GALK2: variants seen among roughly 807,000 people sequenced by gnomAD.
GALK2 encodes the protein N-acetylgalactosamine kinase.
GALK2 carries 36 observed loss-of-function variants against 52.4 expected under a neutral mutation model. The ratio of observed to expected loss-of-function variants is 0.69; its 90% CI spans 0.53 to 0.91. The LOEUF is 0.91. GALK2 is among the 40% of genes least tolerant of loss of function. The pLI is 0.00. For missense variants in GALK2, 579 were observed against 559.1 expected, an observed-to-expected ratio of 1.04 and a Z score of -0.36; for synonymous variants, 176 against 199.1, an observed-to-expected ratio of 0.88 and a Z score of 0.98.
chr15:49,201,920 A>G (rs371038106), intron 2 of GALK2, among the ~76,000 whole-genome samples: 3 of 152,252 alleles, frequency 2.0e-5, no homozygotes. Flanking sequence ...TATCAACAAT[A>G]GAAGTTTATT....
At chr15:49,219,213 G>A (rs192640312) in intron 3 of GALK2, among the ~76,000 whole-genome samples, 1 of 152,284 alleles carries the variant, frequency 6.6e-6, no homozygotes, top group African/African-American at 2.4e-5. Context: ...TGTCCTGGGA[G>A]GAACCTGGTA....
rs1452023435 is a variant in GALK2 at position 49,202,407 on chromosome 15, T to A, written c.142+1157T>A. ...ACCATTAATTTATCCTCTATTTTTATGAGATCAACTCTTTTAGCCTCCATA... is the reference window on the plus strand; with the variant it reads ...ACCATTAATTTATCCTCTATTTTTAAGAGATCAACTCTTTTAGCCTCCATA... On this transcript the variant is annotated intron_variant, in intron 2 of 9. Coordinates refer to ENST00000560031, the MANE Select transcript of GALK2 (RefSeq NM_002044.4). Among the ~76,000 whole-genome samples the A allele has an allele frequency of 4.6e-5, 7 of 152,300 alleles. No individual in the cohort carries two copies. In the East Asian group the frequency reaches 1.3e-3, roughly 29 times the overall value.
chr15:49,236,406 AATTACATAAAGCTTG>A (rs770566102), intron 4 of GALK2, among the ~76,000 whole-genome samples: 265 of 152,312 alleles, frequency 1.7e-3, no homozygotes, highest in Non-Finnish European at 3.0e-3. Flanking sequence ...TTGTTAAAAG[AATTACATAAAGCTTG>A]ATGGTAGCCA....
intron 4 of GALK2, among the ~76,000 whole-genome samples, chr15:49,237,348 C>T (rs912293292): frequency 6.6e-6 from 1 of 152,200 alleles, no homozygotes; most frequent in African/African-American, 2.4e-5. Context: ...TTACATTGAA[C>T]ATGTTATCCT....
At chr15:49,276,970 C>CT (rs1233754984) in intron 5 of GALK2, among the ~76,000 whole-genome samples, 5,254 of 28,338 alleles carry the variant, frequency 0.19, 315 homozygotes, top group Non-Finnish European at 0.23. Context: ...TTTTTCTTTT[C>CT]TTTTTTTTTT....
chr15:49,249,086 C>T (rs2091479521), intron 5 of GALK2, among the ~76,000 whole-genome samples: 1 of 152,272 alleles, frequency 6.6e-6, no homozygotes, highest in Non-Finnish European at 1.5e-5. Context: ...TGGAATAATG[C>T]AAGTGATATT....
In GALK2 at chr15:49,254,801, A is replaced by G. The variant is rs1016601800; in HGVS notation, c.504+15434A>G. 2.1e-5 allele frequency among the ~76,000 whole-genome samples: 3 copies of G among 144,316 alleles called. 1 individual carries two copies. The highest frequency in any genetic ancestry group is 3.1e-5 in the Non-Finnish European group (2 of 64,186). 94.7% of individuals were successfully genotyped at this position (144,316 alleles called of 152,430 possible). A position where few individuals can be genotyped will look rare whatever the true frequency, so the allele number is the denominator to read the frequency against. On this transcript the variant is annotated intron_variant, in intron 5 of 9. Coordinates refer to ENST00000560031, the MANE Select transcript of GALK2 (RefSeq NM_002044.4). ...ATTATTTGGGATAATATTGTTACCT[A>G]TTGACAGCGATGTTACATCTCTCAC...
rs760371241 is a variant in GALK2, at chr15:49,235,847, G to A, written c.267-4G>A. The A allele has an allele frequency of 8.7e-6, 14 of 1,601,868 alleles. No individual in the cohort carries two copies. Among genetic ancestry groups the A allele is most frequent in the Admixed American group, 5.0e-5 (3 of 59,452 alleles). Reference sequence around the variant, plus strand: ...TAAATTAATGGTGTCTTTTGTCTTCGCAGGGACTTCAGTACTAGTGCTAAT... The same window carrying A: ...TAAATTAATGGTGTCTTTTGTCTTCACAGGGACTTCAGTACTAGTGCTAAT... On this transcript the variant is annotated splice_region_variant and splice_polypyrimidine_tract_variant and intron_variant, in intron 3 of 9. Transcript: ENST00000560031.
Position 49,359,406 on chromosome 15 carries a change from AC to A in GALK2, c.427-8081del, listed in dbSNP as rs1270870511. 9.7e-4 allele frequency among the ~76,000 whole-genome samples: 115 copies of A among 119,052 alleles called. 38 individuals carry two copies. Among genetic ancestry groups the A allele is most frequent in the African/African-American group, 3.3e-3 (103 of 30,876 alleles). The allele number at this position is 119,052 out of a possible 152,430, so 78.1% of individuals were successfully genotyped here. A position where few individuals can be genotyped will look rare whatever the true frequency, so the allele number is the denominator to read the frequency against. On this transcript the variant is annotated intron_variant, in intron 3 of 3. Transcript: ENST00000558399. ...CAAATTTACAAGAAAAAAACAAACA[AC>A]CCCATCAAATAGTGGGCGAAGGACA...
At chr15:49,292,681 C>T (rs2034056327) in intron 8 of GALK2, 144 bp downstream of exon 8, 1 of 667,740 alleles carries the variant, frequency 1.5e-6, no homozygotes, top group East Asian at 2.7e-5. Flanking sequence ...ATCTTAGCTT[C>T]ATAAATGTAT....
Position 49,327,938 on chromosome 15 carries a change from C to T in GALK2, c.1170-14C>T, listed in dbSNP as rs1239011880. On this transcript the variant is annotated splice_polypyrimidine_tract_variant and intron_variant, in intron 9 of 9. Coordinates refer to ENST00000560031, the MANE Select transcript of GALK2 (RefSeq NM_002044.4). ...CATTTATAGGTTCTAATATTTTTTT[C>T]CTCACTGTTTTAGGAAGTTTGGGGC... is the stretch of plus-strand genomic sequence containing the variant. The T allele has an allele frequency of 2.3e-5, 36 of 1,589,358 alleles. No homozygotes were observed. The highest frequency in any genetic ancestry group is 5.4e-5 in the Admixed American group (3 of 55,938).
At chr15:49,332,585 GAGA>G (rs1429355083), downstream of GALK2, among the ~76,000 whole-genome samples, 1 of 152,180 alleles carries the variant, frequency 6.6e-6, no homozygotes, top group Non-Finnish European at 1.5e-5. Context: ...AGAAACTTGA[GAGA>G]AGGAGAAACA....
At position 49,320,992 on chromosome 15, in the gene GALK2, A is replaced by C. The variant is rs190040156; in HGVS notation, c.1169+1187A>C. ...GCCAGCTTCCTGGAATTCTCTAATAAACTTTCTCTTCCTAGAGTGGTCAAC... is the reference window on the plus strand; with the variant it reads ...GCCAGCTTCCTGGAATTCTCTAATACACTTTCTCTTCCTAGAGTGGTCAAC... On this transcript the variant is annotated intron_variant, in intron 9 of 9. Coordinates refer to ENST00000560031, the MANE Select transcript of GALK2 (RefSeq NM_002044.4). Among the ~76,000 whole-genome samples the C allele has an allele frequency of 2.0e-5, 3 of 152,252 alleles. No homozygotes were observed. The East Asian group carries it at 5.8e-4, about 29-fold the overall frequency.
At chr15:49,294,777 T>C (rs1264233046) in intron 8 of GALK2, among the ~76,000 whole-genome samples, 2 of 152,108 alleles carry the variant, frequency 1.3e-5, no homozygotes, top group African/African-American at 4.8e-5. Context: ...CCTAAGAGTA[T>C]GGAGGGAAAA....
intron 8 of GALK2, among the ~76,000 whole-genome samples, chr15:49,299,759 C>CTTTCTTTCTTTCTTTCT (rs2034892474): frequency 8.8e-6 from 1 of 113,452 alleles, no homozygotes; most frequent in Non-Finnish European, 2.0e-5. Context: ...TTCTTTCTTT[C>CTTTCTTTCTTTCTTTCT]TTTCTTTCTT....
intron 2 of GALK2, among the ~76,000 whole-genome samples, chr15:49,207,998 C>G (rs776304485): frequency 6.6e-6 from 1 of 152,214 alleles, no homozygotes; most frequent in Admixed American, 6.5e-5. Flanking sequence ...GTCTTGAACT[C>G]CTGACCTCAG....
intron 5 of GALK2, among the ~76,000 whole-genome samples, chr15:49,260,359 G>A (rs1046582288): frequency 2.6e-5 from 4 of 151,906 alleles, no homozygotes; most frequent in African/African-American, 7.3e-5. Flanking sequence ...CTGCATAAAT[G>A]TCTTCTTTTG....
chr15:49,172,445 C>A (rs1197396519), intron 1 of GALK2, among the ~76,000 whole-genome samples: 1 of 152,152 alleles, frequency 6.6e-6, no homozygotes, highest in Non-Finnish European at 1.5e-5. Context: ...TTTGCAGCCA[C>A]TTACTCATTC....
At chr15:49,265,692 C>T (rs962171006) in intron 5 of GALK2, among the ~76,000 whole-genome samples, 1 of 152,386 alleles carries the variant, frequency 6.6e-6, no homozygotes, top group African/African-American at 2.4e-5. Context: ...TAGAGCGGAG[C>T]TGTTCCTATT....
Sources: gnomAD v4.1 joint callset for allele counts (sites outside exome capture counted in the v4.1 genomes callset) on GRCh38, gnomAD v4.1.1 for gene constraint, MANE v1.5 for transcripts, NCBI Gene and HGNC (gene_info 2026-07-23, HGNC 2026-07-21) for gene names.